Variants in TULP4 observed in about 807,000 individuals in gnomAD.
TULP4 encodes TUB like protein 4, also known as tubby-related protein 4.
TULP4 carries 16 observed loss-of-function variants against 129.0 expected under a neutral mutation model. That is an observed-to-expected ratio of 0.12 (90% CI 0.08 to 0.19). TULP4 has a LOEUF of 0.19. TULP4 is among the 10% of genes least tolerant of loss of function. TULP4 has a pLI of 1.00. For missense variants in TULP4, 1,842 were observed against 2,059.1 expected (o/e 0.89, Z 2.04); for synonymous variants, 998 against 854.0 (o/e 1.17, Z -2.94).
chr6:158,266,831 G>A (rs190767115), intron 1 of TULP4, among the ~76,000 whole-genome samples: 281 of 152,210 alleles, frequency 1.8e-3, no homozygotes, highest in African/African-American at 6.5e-3. Context: ...AACCCCCATC[G>A]ATATTGAGGG....
chr6:158,405,016 ACCTTCTTTCAGCTTC>A (rs1461011068), intron 1 of TULP4, among the ~76,000 whole-genome samples: 1 of 152,174 alleles, frequency 6.6e-6, no homozygotes, highest in Non-Finnish European at 1.5e-5. Context: ...AGAGAGTTTA[ACCTTCTTTCAGCTTC>A]ACTTACCTGA....
intron 6 of TULP4, among the ~76,000 whole-genome samples, chr6:158,467,920 C>T (rs630820): frequency 0.42 from 63,154 of 151,706 alleles, 14,385 homozygotes; most frequent in African/African-American, 0.62. Flanking sequence ...CTTACTGCTG[C>T]CCATTACTTG....
At chr6:158,498,325 T>C (rs1027138905) in intron 11 of TULP4, among the ~76,000 whole-genome samples, 2 of 152,252 alleles carry the variant, frequency 1.3e-5, no homozygotes, top group African/African-American at 4.8e-5. Context: ...AAATGAGGTT[T>C]TTAAAAAATA....
At chr6:158,484,992 G>A (rs1342009779) in intron 8 of TULP4, among the ~76,000 whole-genome samples, 3 of 152,222 alleles carry the variant, frequency 2.0e-5, no homozygotes, top group South Asian at 2.1e-4. Flanking sequence ...AATGGATATA[G>A]GCTAGAAGAG....
chr6:158,431,411 G>T (rs1028680508), intron 3 of TULP4, among the ~76,000 whole-genome samples: 3 of 152,216 alleles, frequency 2.0e-5, no homozygotes, highest in Admixed American at 6.5e-5. Context: ...TGAGCCATCT[G>T]TGAGGCTCAT....
intron 1 of TULP4, among the ~76,000 whole-genome samples, chr6:158,244,370 C>T (rs1777986577): frequency 6.6e-6 from 1 of 152,140 alleles, no homozygotes; most frequent in Middle Eastern, 3.2e-3. Context: ...GAATTCAGAG[C>T]TAAAGTAGAT....
intron 1 of TULP4, among the ~76,000 whole-genome samples, chr6:158,274,937 T>C (rs1039678589): frequency 5.3e-5 from 8 of 152,272 alleles, no homozygotes; most frequent in African/African-American, 1.7e-4. Context: ...CTGCCTCTTG[T>C]TAGCCTTTTA....
At chr6:158,394,535 G>C (rs959412903) in intron 1 of TULP4, among the ~76,000 whole-genome samples, 1 of 152,008 alleles carries the variant, frequency 6.6e-6, no homozygotes, top group Non-Finnish European at 1.5e-5. Context: ...TGTAATCCCA[G>C]CACTTTGGAA....
chr6:158,503,663 G>A lies in TULP4; in HGVS notation c.4000G>A (p.Gly1334Arg). 4 of 1,613,996 alleles carry A rather than the reference G, an allele frequency of 2.5e-6. No homozygotes were observed. Among genetic ancestry groups the A allele is most frequent in the Non-Finnish European group, 3.4e-6 (4 of 1,180,014 alleles). The part of the protein sequence containing the change: ...SPVPQRTEKF[G>R]KKNRKRLDSR... ...AGTCCCCCAGCGGACAGAAAAATTT[G>A]GAAAGAAGAACCGGAAGCGCCTGGA... The change falls in exon 13 of 14, where the codon GGA (glycine) becomes AGA (arginine). Residue 1334 changes from glycine to arginine, a missense_variant. Around this residue, in one of 5 missense-constraint regions of TULP4, gnomAD observed 1,089 missense variants for 987.1 expected, o/e 1.10. Coordinates refer to ENST00000367097, the MANE Select transcript of TULP4 (RefSeq NM_020245.5). This position sits in a 1 kb window ranked among gnomAD's most constrained non-coding sequence, Gnocchi z 4.3.
chr6:158,402,243 T>TCCCA (rs1279853120), intron 1 of TULP4, among the ~76,000 whole-genome samples: 8 of 151,900 alleles, frequency 5.3e-5, no homozygotes, highest in Admixed American at 2.6e-4. Context: ...CACACCCTAC[T>TCCCA]CCCACCCCTT....
chr6:158,336,903 T>C (rs1038220622), intron 1 of TULP4, among the ~76,000 whole-genome samples: 8 of 152,272 alleles, frequency 5.3e-5, no homozygotes, highest in African/African-American at 1.7e-4. Flanking sequence ...GTTTTCTTCC[T>C]GATTTCATAG....
In TULP4 at chr6:158,411,418, C is replaced by T. The variant is rs760982138; in HGVS notation, c.253-1647C>T. Among the ~76,000 whole-genome samples, 8 of 152,078 alleles carry T rather than the reference C, an allele frequency of 5.3e-5. No homozygotes were observed. In the South Asian group the frequency reaches 8.3e-4, roughly 16 times the overall value. ...AAGAGGGTCTCAACAGAGAGGATTC[C>T]GCTAGATGGGGCCACCTGGGAGTTC... is the stretch of plus-strand genomic sequence containing the variant. On this transcript the variant is annotated intron_variant, in intron 1 of 13. Coordinates refer to ENST00000367097, the MANE Select transcript of TULP4 (RefSeq NM_020245.5).
intron 1 of TULP4, among the ~76,000 whole-genome samples, chr6:158,240,790 G>C (rs1020491355): frequency 1.1e-4 from 16 of 145,678 alleles, no homozygotes; most frequent in Non-Finnish European, 1.8e-4. Context: ...CTGGCCAGGC[G>C]GGGGGCTGAA....
In TULP4 at chr6:158,469,944, G is replaced by A. The variant is rs539799789; in HGVS notation, c.1026+8215G>A. Among the ~76,000 whole-genome samples the A allele has an allele frequency of 4.6e-5, 7 of 152,212 alleles. No individual in the cohort carries two copies. The South Asian group carries it at 1.2e-3, about 27-fold the overall frequency. ...ATGGCGGCGGGCCACTTCCAAGATGGTGGCAAGCCTCGTGTTCTCTGACCT... is the reference window on the plus strand; with the variant it reads ...ATGGCGGCGGGCCACTTCCAAGATGATGGCAAGCCTCGTGTTCTCTGACCT... On this transcript the variant is annotated intron_variant, in intron 6 of 13. Coordinates refer to ENST00000367097, the MANE Select transcript of TULP4 (RefSeq NM_020245.5).
chr6:158,261,210 G>A (rs1778347050), intron 1 of TULP4, among the ~76,000 whole-genome samples: 1 of 152,176 alleles, frequency 6.6e-6, no homozygotes, highest in Admixed American at 6.6e-5. Context: ...TAGCTACCAG[G>A]CACGTGGAGG....
chr6:158,503,276 G>A lies in TULP4; in HGVS notation c.3613G>A (p.Ala1205Thr). The A allele has an allele frequency of 6.2e-7, 1 of 1,613,874 alleles. No individual in the cohort carries two copies. Among genetic ancestry groups the A allele is most frequent in the Non-Finnish European group, 8.5e-7 (1 of 1,179,988 alleles). Residue 1205 changes from alanine to threonine, a missense_variant, in exon 13 of 14, where the codon GCT (alanine) becomes ACT (threonine). By Grantham distance (58) the Ala-to-Thr change is moderately conservative (BLOSUM62 0). This residue lies in a region of TULP4 where 1,089 missense variants were observed against 987.1 expected (regional missense o/e 1.10). Coordinates refer to ENST00000367097, the MANE Select transcript of TULP4 (RefSeq NM_020245.5). The surrounding 1 kb of genome is among the most constrained non-coding windows in gnomAD (Gnocchi z 4.3). ...YNNPPLPGVQ[A>T]PCSPKDALSP... is the part of the protein sequence containing the mutation. Reference sequence around the variant, plus strand: ...CAACCCCCCTTTGCCTGGAGTGCAGGCTCCCTGCTCTCCCAAAGATGCCCT... The same window carrying A: ...CAACCCCCCTTTGCCTGGAGTGCAGACTCCCTGCTCTCCCAAAGATGCCCT...
At chr6:158,348,840 C>T (rs1780387652) in intron 1 of TULP4, among the ~76,000 whole-genome samples, 3 of 144,168 alleles carry the variant, frequency 2.1e-5, no homozygotes, top group South Asian at 2.2e-4. Flanking sequence ...CAAAGGGCGG[C>T]CGGGCAGAGG....
chr6:158,320,235 T>A (rs1386872298), intron 1 of TULP4, among the ~76,000 whole-genome samples: 2 of 152,320 alleles, frequency 1.3e-5, no homozygotes, highest in East Asian at 3.9e-4. Context: ...TCAAGAAAGA[T>A]GAGTTTTTCT....
At chr6:158,366,972 A>G (rs768937746) in intron 1 of TULP4, among the ~76,000 whole-genome samples, 2 of 152,130 alleles carry the variant, frequency 1.3e-5, no homozygotes, top group Non-Finnish European at 2.9e-5. Flanking sequence ...AGATGTCCAA[A>G]GTATTGTGGC....
Sources: allele counts gnomAD v4.1 joint callset (sites outside exome capture counted in the v4.1 genomes callset), GRCh38; gene constraint gnomAD v4.1.1; regional missense constraint gnomAD v4.1.1; non-coding constraint Gnocchi (gnomAD v3.1); transcripts MANE v1.5; gene names NCBI Gene and HGNC (gene_info 2026-07-23, HGNC 2026-07-21).